The following SLC9A9 variants were observed in gnomAD, a reference collection of about 807,000 sequenced individuals.
SLC9A9 encodes the protein solute carrier family 9 member A9, also known as sodium/hydrogen exchanger 9.
In SLC9A9, 62 loss-of-function variants were observed where a neutral mutation model predicts 77.8. The ratio of observed to expected loss-of-function variants is 0.80; its 90% CI spans 0.65 to 0.98. The LOEUF is 0.98. Among genes scored for constraint, SLC9A9 ranks in the 50% least tolerant of loss-of-function variants. SLC9A9 has a pLI of 0.00. For synonymous variants in SLC9A9, 320 were observed against 283.5 expected (o/e 1.13, Z -1.29); for missense variants, 775 against 774.9 (o/e 1.00, Z 0.00).
intron 6 of SLC9A9, among the ~76,000 whole-genome samples, chr3:143,620,989 G>T (rs1424522586): frequency 6.6e-6 from 1 of 152,192 alleles, no homozygotes; most frequent in East Asian, 1.9e-4. Flanking sequence ...GGCTCAGAGG[G>T]TCCTATGCCC....
At chr3:143,617,414 G>T (rs1009491391) in intron 6 of SLC9A9, among the ~76,000 whole-genome samples, 1 of 152,190 alleles carries the variant, frequency 6.6e-6, no homozygotes, top group African/African-American at 2.4e-5. Flanking sequence ...CGAAAACATT[G>T]ACTGAACCCT....
At chr3:143,272,365 G>A (rs1003681052) in intron 14 of SLC9A9, among the ~76,000 whole-genome samples, 2 of 152,134 alleles carry the variant, frequency 1.3e-5, no homozygotes, top group Non-Finnish European at 2.9e-5. Flanking sequence ...GATACAGTGT[G>A]GCACTTCTTA....
chr3:143,501,594 A>G (rs1470220322), intron 9 of SLC9A9, among the ~76,000 whole-genome samples: 1 of 150,980 alleles, frequency 6.6e-6, no homozygotes. Flanking sequence ...ATTCTTGCCA[A>G]AGTAGTTTTT....
intron 6 of SLC9A9, among the ~76,000 whole-genome samples, chr3:143,631,455 C>T (rs1171825074): frequency 6.6e-6 from 1 of 152,092 alleles, no homozygotes; most frequent in Non-Finnish European, 1.5e-5. Context: ...GGAGAGGGTA[C>T]TCTTGTTCAA....
intron 6 of SLC9A9, among the ~76,000 whole-genome samples, chr3:143,606,436 C>CTATATATATATATATATATATATA (rs60773685): frequency 5.5e-5 from 3 of 54,216 alleles, no homozygotes; most frequent in African/African-American, 7.7e-5. Context: ...CTCTCTCTCT[C>CTATATATATATATATATATATATA]TATATATATA....
At chr3:143,368,223 C>T (rs977623992) in intron 13 of SLC9A9, among the ~76,000 whole-genome samples, 2 of 152,042 alleles carry the variant, frequency 1.3e-5, no homozygotes, top group African/African-American at 4.8e-5. Flanking sequence ...TTTAGGTGAT[C>T]CCCTAATACT....
intron 9 of SLC9A9, among the ~76,000 whole-genome samples, chr3:143,528,540 C>T (rs894340061): frequency 3.9e-5 from 6 of 152,146 alleles, no homozygotes; most frequent in African/African-American, 9.7e-5. Context: ...TCCTCTATCC[C>T]GGTAGTAGTT....
At chr3:143,685,811 A>G (rs1330489816) in intron 5 of SLC9A9, among the ~76,000 whole-genome samples, 1 of 152,198 alleles carries the variant, frequency 6.6e-6, no homozygotes, top group Non-Finnish European at 1.5e-5. Context: ...ACACGATTAT[A>G]ACTGCTTCTT....
At chr3:143,794,072 CA>C (rs2008299163) in intron 4 of SLC9A9, among the ~76,000 whole-genome samples, 1 of 152,176 alleles carries the variant, frequency 6.6e-6, no homozygotes, top group Admixed American at 6.5e-5. Flanking sequence ...AGAAATTTAG[CA>C]GTGCATTCAA....
At chr3:143,267,852 G>C (rs1228066320) in intron 15 of SLC9A9, among the ~76,000 whole-genome samples, 1 of 152,170 alleles carries the variant, frequency 6.6e-6, no homozygotes, top group Non-Finnish European at 1.5e-5. Context: ...CTTTGGGAAG[G>C]CCATACTAAA....
At chr3:143,379,239 G>T (rs1056841289) in intron 13 of SLC9A9, among the ~76,000 whole-genome samples, 1 of 152,146 alleles carries the variant, frequency 6.6e-6, no homozygotes, top group Non-Finnish European at 1.5e-5. Context: ...ATCCTCCTAA[G>T]AATTGGGGTT....
At chr3:143,732,451 C>A (rs755512896) in intron 4 of SLC9A9, among the ~76,000 whole-genome samples, 2 of 152,178 alleles carry the variant, frequency 1.3e-5, no homozygotes, top group Admixed American at 6.5e-5. Context: ...CCATTAGCAA[C>A]CTGTTTCTCA....
intron 4 of SLC9A9, among the ~76,000 whole-genome samples, chr3:143,765,041 TTCTTTTTC>T (rs1478028471): frequency 6.6e-6 from 1 of 150,948 alleles, no homozygotes; most frequent in Non-Finnish European, 1.5e-5. Context: ...CTCTTTCTCT[TTCTTTTTC>T]TTTCTTTCTT....
At chr3:143,813,314 T>C (rs150587140) in intron 2 of SLC9A9, among the ~76,000 whole-genome samples, 1 of 152,246 alleles carries the variant, frequency 6.6e-6, no homozygotes, top group East Asian at 1.9e-4. Flanking sequence ...AAAAGATCCA[T>C]ATCTCGTGAC....
chr3:143,584,622 A>C (rs918460995), intron 6 of SLC9A9, among the ~76,000 whole-genome samples: 1 of 152,230 alleles, frequency 6.6e-6, no homozygotes, highest in East Asian at 1.9e-4. Context: ...CAAAAAAATT[A>C]TTGGCACCAG....
chr3:143,714,631 C>A (rs1177168999), intron 4 of SLC9A9, among the ~76,000 whole-genome samples: 4 of 152,172 alleles, frequency 2.6e-5, no homozygotes, highest in African/African-American at 4.8e-5. Flanking sequence ...GTACGTCAAA[C>A]GCCAAAATAC....
At chr3:143,645,336 C>A (rs540481140) in intron 6 of SLC9A9, among the ~76,000 whole-genome samples, 37 of 152,296 alleles carry the variant, frequency 2.4e-4, no homozygotes, top group African/African-American at 8.9e-4. Context: ...AAACCCTATA[C>A]ATGTAAGCTA....
chr3:143,846,675 G>A (rs926230707), intron 1 of SLC9A9, among the ~76,000 whole-genome samples: 1 of 151,596 alleles, frequency 6.6e-6, no homozygotes, highest in African/African-American at 2.4e-5. Context: ...GCAACATAGT[G>A]AGACCCTGTC....
intron 9 of SLC9A9, among the ~76,000 whole-genome samples, chr3:143,526,299 AC>A (rs1253496152): frequency 1.3e-5 from 2 of 152,210 alleles, no homozygotes; most frequent in Non-Finnish European, 2.9e-5. Flanking sequence ...GCGTCTCTGC[AC>A]ATGGAAGTTT....
Sources: allele counts gnomAD v4.1 joint callset (sites outside exome capture counted in the v4.1 genomes callset), GRCh38; gene constraint gnomAD v4.1.1; transcripts MANE v1.5; gene names NCBI Gene and HGNC (gene_info 2026-07-23, HGNC 2026-07-21).